ROBO1: variants seen among roughly 807,000 people sequenced by gnomAD.
ROBO1 encodes the protein roundabout guidance receptor 1.
In ROBO1, 149 loss-of-function variants were observed where a neutral mutation model predicts 195.9. That is an observed-to-expected ratio of 0.76 (90% CI 0.67 to 0.87). The LOEUF (loss-of-function observed/expected upper bound fraction) is 0.87, where lower values mean the gene tolerates loss of function less well. Ranked by LOEUF, ROBO1 falls within the 40% of genes least tolerant of loss-of-function variation. The pLI is 0.00. For synonymous variants in ROBO1, 816 were observed against 733.2 expected (o/e 1.11, Z -1.82); for missense variants, 1,933 against 2,068.3 (o/e 0.93, Z 1.27).
chr3:79,295,925 C>T (rs920461760), intron 2 of ROBO1, among the ~76,000 whole-genome samples: 3 of 152,058 alleles, frequency 2.0e-5, no homozygotes, highest in East Asian at 1.9e-4. Flanking sequence ...ATTTAGATAA[C>T]GGTGAAACTA....
rs566680896 is a variant in ROBO1, at chr3:79,525,675, G to A, written c.88+64149C>T. ...GGCTGGAGTGCAGTGGTGTGATCTC[G>A]GCTCACTGCAACCTCCGCTTCCCGG... On this transcript the variant is annotated intron_variant, in intron 2 of 30. Coordinates refer to ENST00000464233, the MANE Select transcript of ROBO1 (RefSeq NM_002941.4). Among the ~76,000 whole-genome samples, 637 of 147,738 alleles carry A rather than the reference G, an allele frequency of 4.3e-3. 3 individuals are homozygous for A. The highest frequency in any genetic ancestry group is 7.2e-3 in the Middle Eastern group (2 of 276).
chr3:79,019,108 G>A (rs1040684960), intron 3 of ROBO1: 1 of 987,332 alleles, frequency 1.0e-6, no homozygotes, highest in Non-Finnish European at 1.2e-6. Context: ...CATCACTTGG[G>A]GGATGCGGAG....
rs568290917 is a variant in ROBO1, at chr3:79,235,056, C to G, written c.89-109517G>C. On this transcript the variant is annotated intron_variant, in intron 2 of 30. Coordinates refer to ENST00000464233, the MANE Select transcript of ROBO1 (RefSeq NM_002941.4). ...ACTAAGTTCAAACCTTCATTCTTAC[C>G]CATTTTTGAAACTCAGGTAGAACTT... Among the ~76,000 whole-genome samples, 5 of 152,140 alleles carry G rather than the reference C, an allele frequency of 3.3e-5. No individual in the cohort carries two copies. In the South Asian group the frequency reaches 1.0e-3, roughly 32 times the overall value.
At chr3:79,004,703 G>A (rs2077581272) in intron 3 of ROBO1, among the ~76,000 whole-genome samples, 1 of 152,116 alleles carries the variant, frequency 6.6e-6, no homozygotes, top group Non-Finnish European at 1.5e-5. Context: ...CCCAAATAGA[G>A]GAAGCAGATG....
intron 2 of ROBO1, among the ~76,000 whole-genome samples, chr3:79,475,703 C>T (rs1238106898): frequency 1.3e-5 from 2 of 151,888 alleles, no homozygotes; most frequent in Non-Finnish European, 2.9e-5. Context: ...ACAGAAAATG[C>T]CCTTTATTGC....
At chr3:78,842,339 A>ATATTTATATG (rs2033300326) in intron 4 of ROBO1, among the ~76,000 whole-genome samples, 1 of 30,942 alleles carries the variant, frequency 3.2e-5, no homozygotes, top group African/African-American at 9.8e-5. Flanking sequence ...ATTTTTATAT[A>ATATTTATATG]TATGAGCCAT....
chr3:78,780,146 A>G (rs1366542068), intron 4 of ROBO1, among the ~76,000 whole-genome samples: 1 of 152,104 alleles, frequency 6.6e-6, no homozygotes, highest in East Asian at 1.9e-4. Context: ...TAGGAGAAAT[A>G]CCTAATGTAG....
chr3:79,090,071 C>G (rs1210227481), intron 3 of ROBO1, among the ~76,000 whole-genome samples: 1 of 151,994 alleles, frequency 6.6e-6, no homozygotes, highest in Non-Finnish European at 1.5e-5. Context: ...TCCTGAGTAG[C>G]TAGGACTACA....
intron 3 of ROBO1, among the ~76,000 whole-genome samples, chr3:79,021,746 C>T (rs1576580477): frequency 6.6e-6 from 1 of 151,222 alleles, no homozygotes; most frequent in Non-Finnish European, 1.5e-5. Flanking sequence ...CTGCAAGCTC[C>T]GCCTCCCGGG....
At chr3:79,070,117 A>G (rs957543623) in intron 3 of ROBO1, among the ~76,000 whole-genome samples, 3 of 151,770 alleles carry the variant, frequency 2.0e-5, no homozygotes, top group African/African-American at 4.8e-5. Flanking sequence ...TAACTAAACA[A>G]TATCTCTGAC....
At chr3:79,394,694 A>C (rs2037074416) in intron 2 of ROBO1, among the ~76,000 whole-genome samples, 1 of 152,096 alleles carries the variant, frequency 6.6e-6, no homozygotes, top group Non-Finnish European at 1.5e-5. Context: ...TCTTCTTAAT[A>C]GAGTGAATGA....
At chr3:79,752,658 C>T (rs1271571463) in intron 1 of ROBO1, among the ~76,000 whole-genome samples, 1 of 152,008 alleles carries the variant, frequency 6.6e-6, no homozygotes, top group Non-Finnish European at 1.5e-5. Context: ...AGCTGATTGG[C>T]ATATTTGAAA....
chr3:79,022,099 CT>C (rs2078115057), intron 3 of ROBO1, among the ~76,000 whole-genome samples: 1 of 152,166 alleles, frequency 6.6e-6, no homozygotes, highest in African/African-American at 2.4e-5. Context: ...CAAAGTGTAT[CT>C]ATTTTCTGTC....
intron 2 of ROBO1, among the ~76,000 whole-genome samples, chr3:79,470,463 GA>G (rs1376682570): frequency 6.6e-6 from 1 of 152,128 alleles, no homozygotes; most frequent in Non-Finnish European, 1.5e-5. Flanking sequence ...TAATGTAAAT[GA>G]CGAGTTAATG....
chr3:79,209,078 T>C (rs924867050), intron 2 of ROBO1, among the ~76,000 whole-genome samples: 12 of 152,138 alleles, frequency 7.9e-5, no homozygotes, highest in Admixed American at 2.0e-4. Context: ...AGTTCTTTAG[T>C]GGTGATTTCT....
intron 4 of ROBO1, among the ~76,000 whole-genome samples, chr3:78,928,979 C>T (rs1458406784): frequency 6.6e-6 from 1 of 151,924 alleles, no homozygotes; most frequent in East Asian, 1.9e-4. Context: ...TATATAAATA[C>T]TTTCGTGGAG....
chr3:78,820,690 T>C (rs1280005874), intron 4 of ROBO1, among the ~76,000 whole-genome samples: 3 of 152,232 alleles, frequency 2.0e-5, no homozygotes, highest in East Asian at 1.9e-4. Context: ...TGGTTTCTCA[T>C]GCCAATAACC....
At chr3:79,719,322 A>C (rs2107283244) in intron 1 of ROBO1, among the ~76,000 whole-genome samples, 1 of 152,250 alleles carries the variant, frequency 6.6e-6, no homozygotes, top group Admixed American at 6.5e-5. Flanking sequence ...AGTTTCCATT[A>C]AACTTTTATT....
chr3:79,716,445 G>A (rs1340577425), intron 1 of ROBO1, among the ~76,000 whole-genome samples: 1 of 151,710 alleles, frequency 6.6e-6, no homozygotes, highest in Non-Finnish European at 1.5e-5. Flanking sequence ...AGTACAGTAA[G>A]GTACCTGTAT....
Sources: allele counts gnomAD v4.1 joint callset (sites outside exome capture counted in the v4.1 genomes callset), GRCh38; gene constraint gnomAD v4.1.1; transcripts MANE v1.5; gene names NCBI Gene and HGNC (gene_info 2026-07-23, HGNC 2026-07-21).